The following ROBO1 variants were observed in gnomAD, a reference collection of about 807,000 sequenced individuals.
ROBO1 encodes the protein roundabout guidance receptor 1, also known as roundabout homolog 1.
ROBO1 carries 149 observed loss-of-function variants against 195.9 expected under a neutral mutation model. The ratio of observed to expected loss-of-function variants is 0.76; its 90% CI spans 0.67 to 0.87. The LOEUF (loss-of-function observed/expected upper bound fraction) is 0.87, where lower values mean the gene tolerates loss of function less well. Among genes scored for constraint, ROBO1 ranks in the 40% least tolerant of loss-of-function variants. The pLI is 0.00. For missense variants in ROBO1, 1,933 were observed against 2,068.3 expected (o/e 0.93, Z 1.27); for synonymous variants, 816 against 733.2 (o/e 1.11, Z -1.82).
chr3:79,651,153 T>C (rs950688659), intron 1 of ROBO1, among the ~76,000 whole-genome samples: 2 of 152,078 alleles, frequency 1.3e-5, no homozygotes, highest in African/African-American at 4.8e-5. Flanking sequence ...CAAATATACA[T>C]AATGTAAATA....
chr3:79,668,179 GC>G (rs1436735044), intron 1 of ROBO1, among the ~76,000 whole-genome samples: 2 of 151,650 alleles, frequency 1.3e-5, no homozygotes, highest in African/African-American at 4.8e-5. Context: ...CATTACTGTA[GC>G]TTTTATGATT....
At chr3:79,316,233 T>G (rs936149057) in intron 2 of ROBO1, among the ~76,000 whole-genome samples, 1 of 152,092 alleles carries the variant, frequency 6.6e-6, no homozygotes, top group African/African-American at 2.4e-5. Flanking sequence ...GCAAACTGAT[T>G]GGAGGAGGAG....
intron 3 of ROBO1, among the ~76,000 whole-genome samples, chr3:78,955,868 A>T (rs941415571): frequency 6.6e-6 from 1 of 152,164 alleles, no homozygotes; most frequent in Non-Finnish European, 1.5e-5. Flanking sequence ...TCATTTTAAA[A>T]ACTCAACCAG....
At chr3:79,470,991 A>G (rs1162963608) in intron 2 of ROBO1, among the ~76,000 whole-genome samples, 1 of 152,176 alleles carries the variant, frequency 6.6e-6, no homozygotes, top group Non-Finnish European at 1.5e-5. Flanking sequence ...TTGTGTATAT[A>G]CTGTAGAGTG....
intron 19 of ROBO1, among the ~76,000 whole-genome samples, chr3:78,648,325 G>A (rs1706430906): frequency 6.6e-6 from 1 of 151,980 alleles, no homozygotes; most frequent in South Asian, 2.1e-4. Flanking sequence ...ACTTGTGAAT[G>A]GACAGAAAAA....
chr3:79,201,570 C>T (rs1339949515), intron 2 of ROBO1, among the ~76,000 whole-genome samples: 2 of 151,940 alleles, frequency 1.3e-5, no homozygotes, highest in East Asian at 3.9e-4. Context: ...GCTGCTTAAG[C>T]AGTATCTCCA....
intron 4 of ROBO1, among the ~76,000 whole-genome samples, chr3:78,852,848 GC>G (rs1331455686): frequency 6.6e-6 from 1 of 152,140 alleles, no homozygotes; most frequent in Non-Finnish European, 1.5e-5. Flanking sequence ...AAAGGCACCA[GC>G]TAAGAAAAGA....
intron 25 of ROBO1, among the ~76,000 whole-genome samples, chr3:78,630,169 T>C (rs1301389031): frequency 6.6e-6 from 1 of 152,158 alleles, no homozygotes; most frequent in African/African-American, 2.4e-5. Context: ...AACACATACA[T>C]AAAACAAGGT....
chr3:78,722,220 T>G (rs1039450150), intron 5 of ROBO1, among the ~76,000 whole-genome samples: 2 of 152,168 alleles, frequency 1.3e-5, no homozygotes, highest in African/African-American at 4.8e-5. Flanking sequence ...CAATAAAAAT[T>G]TATTTTACAG....
chr3:79,750,904 G>A lies in ROBO1; in HGVS notation c.-51+16848C>T, dbSNP rs1435665776. Among the ~76,000 whole-genome samples the A allele has an allele frequency of 3.3e-5, 5 of 152,244 alleles. No individual in the cohort carries two copies. In the East Asian group the frequency reaches 5.8e-4, roughly 18 times the overall value. Reference sequence around the variant, plus strand: ...AACTGTCACTTGCAGGTATTATGAAGCTAGCACCACAGAAGAAAAATGTGG... The same window carrying A: ...AACTGTCACTTGCAGGTATTATGAAACTAGCACCACAGAAGAAAAATGTGG... On this transcript the variant is annotated intron_variant, in intron 1 of 30. Coordinates refer to ENST00000464233, the MANE Select transcript of ROBO1 (RefSeq NM_002941.4).
chr3:79,114,082 C>G (rs772639790), intron 3 of ROBO1, among the ~76,000 whole-genome samples: 2 of 152,190 alleles, frequency 1.3e-5, no homozygotes, highest in Non-Finnish European at 2.9e-5. Context: ...CACAAGCTGT[C>G]TTTCCTGCCT....
intron 2 of ROBO1, among the ~76,000 whole-genome samples, chr3:79,578,454 T>C (rs1943562653): frequency 1.3e-5 from 2 of 152,210 alleles, no homozygotes; most frequent in South Asian, 2.1e-4. Context: ...TTTTATTATA[T>C]CCACCATTTA....
At chr3:79,582,735 T>C (rs1026393916) in intron 2 of ROBO1, among the ~76,000 whole-genome samples, 2 of 152,048 alleles carry the variant, frequency 1.3e-5, no homozygotes, top group East Asian at 3.9e-4. Flanking sequence ...ATATGGCTCC[T>C]CCAGATTTGA....
chr3:79,455,164 T>C (rs1209798390), intron 2 of ROBO1, among the ~76,000 whole-genome samples: 1 of 151,824 alleles, frequency 6.6e-6, no homozygotes, highest in East Asian at 1.9e-4. Context: ...CAGAAGACTC[T>C]TGTAACAGAA....
At chr3:79,479,233 A>AT (rs1274401985) in intron 2 of ROBO1, among the ~76,000 whole-genome samples, 2 of 152,020 alleles carry the variant, frequency 1.3e-5, no homozygotes, top group Admixed American at 6.6e-5. Flanking sequence ...GTGGAAGATG[A>AT]TTTTTTCCAC....
At chr3:79,548,348 C>T (rs1942349409) in intron 2 of ROBO1, among the ~76,000 whole-genome samples, 1 of 152,164 alleles carries the variant, frequency 6.6e-6, no homozygotes, top group Admixed American at 6.5e-5. Flanking sequence ...GGAAGCATCC[C>T]ACTCTTCAAT....
intron 1 of ROBO1, among the ~76,000 whole-genome samples, chr3:79,669,566 C>A (rs1237627384): frequency 6.6e-6 from 1 of 151,870 alleles, no homozygotes; most frequent in East Asian, 1.9e-4. Context: ...ATAGGCTATA[C>A]CACATAGCCT....
At chr3:79,359,936 A>T (rs1376405661) in intron 2 of ROBO1, among the ~76,000 whole-genome samples, 2 of 152,008 alleles carry the variant, frequency 1.3e-5, no homozygotes, top group African/African-American at 4.8e-5. Context: ...GTGATACTTG[A>T]ACTAAATTTG....
intron 2 of ROBO1, among the ~76,000 whole-genome samples, chr3:79,221,825 G>T (rs1047694680): frequency 6.6e-6 from 1 of 152,022 alleles, no homozygotes; most frequent in Admixed American, 6.6e-5. Context: ...TTCTAACTAT[G>T]CTAAATTAAT....
Sources: gnomAD v4.1 joint callset for allele counts (sites outside exome capture counted in the v4.1 genomes callset) on GRCh38, gnomAD v4.1.1 for gene constraint, MANE v1.5 for transcripts, NCBI Gene and HGNC (gene_info 2026-07-23, HGNC 2026-07-21) for gene names.